MTOR: variants seen among roughly 807,000 people sequenced by gnomAD.
MTOR encodes serine/threonine-protein kinase mTOR.
Under a neutral mutation model 319.8 loss-of-function variants are expected in MTOR, and 70 were observed. The ratio of observed to expected loss-of-function variants is 0.22; its 90% CI spans 0.18 to 0.27. The LOEUF is 0.27. MTOR is among the 10% of genes least tolerant of loss of function. The pLI is 1.00. For missense variants in MTOR, 1,890 were observed against 3,274.4 expected (o/e 0.58, Z 10.32); for synonymous variants, 1,183 against 1,211.4 (o/e 0.98, Z 0.49).
intron 29 of MTOR, among the ~76,000 whole-genome samples, chr1:11,161,422 C>T (rs1282355533): frequency 6.6e-6 from 1 of 152,212 alleles, no homozygotes; most frequent in Non-Finnish European, 1.5e-5. Flanking sequence ...CGTCTGACAC[C>T]TTTGAAGACA....
intron 33 of MTOR, 86 bp from the exon 34 acceptor site, chr1:11,144,841 C>G: frequency 6.6e-7 from 1 of 1,520,330 alleles, no homozygotes; most frequent in Non-Finnish European, 9.1e-7. Flanking sequence ...CTTCTGGTGT[C>G]AGGGTATCTG....
rs752118655 is a variant in MTOR at position 11,106,899 on chromosome 1, C to T, written c.*586G>A. ...AGGTCTTGAATTGAAGCGTGTGAGT[C>T]GCAGCATCACTGGGTCTGATGGAAG... On this transcript the variant is annotated 3_prime_UTR_variant, in exon 58 of 58. Coordinates refer to ENST00000361445, the MANE Select transcript of MTOR (RefSeq NM_004958.4). 8.9e-5 allele frequency: 121 copies of T among 1,364,114 alleles called. No homozygotes were observed. Among genetic ancestry groups the T allele is most frequent in the Middle Eastern group, 2.4e-4 (1 of 4,232 alleles). 84.5% of individuals were successfully genotyped at this position (1,364,114 alleles called of 1,614,324 possible). A position where few individuals can be genotyped will look rare whatever the true frequency, so the allele number is the denominator to read the frequency against.
intron 10 of MTOR, among the ~76,000 whole-genome samples, chr1:11,241,350 G>A (rs540454384): frequency 7.6e-4 from 115 of 150,714 alleles, no homozygotes; most frequent in African/African-American, 1.6e-3. Context: ...AATGAGGCTC[G>A]GGGAAATTAA....
At chr1:11,233,765 T>C (rs1226593068) in intron 14 of MTOR, among the ~76,000 whole-genome samples, 3 of 152,256 alleles carry the variant, frequency 2.0e-5, no homozygotes, top group Non-Finnish European at 4.4e-5. Context: ...CAGATTAACA[T>C]ACATTATAAA....
At chr1:11,190,254 T>C (rs929434601) in intron 28 of MTOR, among the ~76,000 whole-genome samples, 1 of 152,212 alleles carries the variant, frequency 6.6e-6, no homozygotes, top group Non-Finnish European at 1.5e-5. Context: ...GTCTTCCTGA[T>C]TGGTGTAGCT....
intron 47 of MTOR, 23 bp downstream of exon 47, chr1:11,124,475 G>A (rs375882435): frequency 1.8e-5 from 28 of 1,591,760 alleles, no homozygotes; most frequent in Non-Finnish European, 2.1e-5. Context: ...TCAAATTGTT[G>A]CCATTTCAGG....
chr1:11,225,333 G>A (rs1646795430), intron 19 of MTOR, among the ~76,000 whole-genome samples: 1 of 151,736 alleles, frequency 6.6e-6, no homozygotes, highest in Admixed American at 6.6e-5. Context: ...TAGAAAAGAA[G>A]ACTGACAATG....
At chr1:11,255,396 AAAAAAAAAAAAAAG>A (rs1650251286) in intron 5 of MTOR, among the ~76,000 whole-genome samples, 1 of 150,674 alleles carries the variant, frequency 6.6e-6, no homozygotes, top group Non-Finnish European at 1.5e-5. Context: ...AAAAAAAAAA[AAAAAAAAAAAAAAG>A]AAAGAGGTAC....
At chr1:11,230,274 G>C (rs1362712697) in intron 18 of MTOR, among the ~76,000 whole-genome samples, 3 of 152,080 alleles carry the variant, frequency 2.0e-5, no homozygotes, top group Non-Finnish European at 4.4e-5. Context: ...GCAAAAATTA[G>C]CCAGGTGTGC....
intron 49 of MTOR, among the ~76,000 whole-genome samples, chr1:11,119,348 T>C (rs180933986): frequency 0.059 from 8,875 of 150,234 alleles, 364 homozygotes; most frequent in South Asian, 0.12. Context: ...GGGCGGATCA[T>C]GAGGTCAGGA....
chr1:11,215,554 G>A lies in MTOR; in HGVS notation c.3117+594C>T, dbSNP rs145265111. 1.4e-4 allele frequency among the ~76,000 whole-genome samples: 21 copies of A among 152,240 alleles called. 1 individual carries two copies. Among genetic ancestry groups the A allele is most frequent in the East Asian group, 9.6e-4 (5 of 5,186 alleles). On this transcript the variant is annotated intron_variant, in intron 20 of 57. Coordinates refer to ENST00000361445, the MANE Select transcript of MTOR (RefSeq NM_004958.4). The stretch of plus-strand genomic sequence containing the variant: ...CCATCCCTGTGAAGCAATCTTCCCC[G>A]TAGAGACATTTAAATTATATAGAAC...
rs1356294807 is a variant in MTOR at position 11,128,527 on chromosome 1, A to G, written c.5837T>C (p.Ile1946Thr). 1.2e-6 allele frequency: 2 copies of G among 1,614,232 alleles called. No homozygotes were observed. The highest frequency in any genetic ancestry group is 2.2e-5 in the East Asian group (1 of 44,886). The change falls in exon 42 of 58, where the codon ATT becomes ACT. Residue 1946 changes from isoleucine to threonine, a missense_variant. Coordinates refer to ENST00000361445, the MANE Select transcript of MTOR (RefSeq NM_004958.4). The surrounding 1 kb of genome is among the most constrained non-coding windows in gnomAD (Gnocchi z 5.3). ...TCCCACCAAGGGTCTGGGCGTATCAATTCTTGCAATGAGCTGAGGTATAAC... is the reference window on the plus strand; with the variant it reads ...TCCCACCAAGGGTCTGGGCGTATCAGTTCTTGCAATGAGCTGAGGTATAAC... Reference protein sequence around the residue: ...LQVIPQLIARIDTPRPLVGRL... With the variant: ...LQVIPQLIARTDTPRPLVGRL...
intron 28 of MTOR, among the ~76,000 whole-genome samples, chr1:11,185,291 T>A (rs1020896725): frequency 1.1e-4 from 16 of 149,578 alleles, no homozygotes; most frequent in Admixed American, 3.3e-4. Flanking sequence ...TAAAACTGAC[T>A]CTGGCCAGGT....
intron 28 of MTOR, chr1:11,189,573 A>G (rs182253862): frequency 2.2e-5 from 35 of 1,588,496 alleles, no homozygotes; most frequent in Admixed American, 3.5e-5. Context: ...ACCCAAACCC[A>G]CAAAAGATGC....
intron 34 of MTOR, among the ~76,000 whole-genome samples, chr1:11,141,745 G>A (rs1248912096): frequency 1.3e-5 from 2 of 149,734 alleles, no homozygotes; most frequent in Admixed American, 6.6e-5. Context: ...CCAGCACTTT[G>A]GGAGGCTGAG....
chr1:11,152,310 T>C (rs921934980), intron 30 of MTOR: 6 of 152,184 alleles, frequency 3.9e-5, no homozygotes, highest in Admixed American at 3.9e-4. Context: ...CTCTGAGACT[T>C]TGATTTTCTC....
chr1:11,254,023 A>G (rs775794832), intron 5 of MTOR, 50 bp from the exon 6 acceptor site: 30 of 1,612,608 alleles, frequency 1.9e-5, no homozygotes, highest in Non-Finnish European at 2.2e-5. Flanking sequence ...ACAAACCCAG[A>G]AAGAATACAG....
At chr1:11,163,742 A>G (rs1214091981) in intron 29 of MTOR, among the ~76,000 whole-genome samples, 1 of 152,256 alleles carries the variant, frequency 6.6e-6, no homozygotes, top group Non-Finnish European at 1.5e-5. Context: ...CAATGAGAAC[A>G]TAGACACCAC....
intron 36 of MTOR, among the ~76,000 whole-genome samples, chr1:11,137,152 TAAAAAAAAA>T (rs33927011): frequency 1.4e-5 from 1 of 73,374 alleles, no homozygotes; most frequent in Non-Finnish European, 2.5e-5. Flanking sequence ...TAAATCTGAT[TAAAAAAAAA>T]AAAAAAAAAA....
Sources: allele counts gnomAD v4.1 joint callset (sites outside exome capture counted in the v4.1 genomes callset), GRCh38; gene constraint gnomAD v4.1.1; non-coding constraint Gnocchi (gnomAD v3.1); transcripts MANE v1.5; gene names NCBI Gene and HGNC (gene_info 2026-07-23, HGNC 2026-07-21).